CPEB3: variants seen among roughly 807,000 people sequenced by gnomAD.
CPEB3 encodes the protein cytoplasmic polyadenylation element-binding protein 3.
CPEB3 carries 20 observed loss-of-function variants against 67.2 expected under a neutral mutation model. That is an observed-to-expected ratio of 0.30 (90% confidence interval 0.21 to 0.43). CPEB3 has a LOEUF of 0.43. CPEB3 is among the 20% of genes least tolerant of loss of function. The probability of loss-of-function intolerance (pLI) is 1.00; values close to 1 mark genes in which losing one functional copy is unlikely to be tolerated. For missense variants in CPEB3, 746 were observed against 968.6 expected (o/e 0.77, Z 3.05); for synonymous variants, 376 against 393.1 (o/e 0.96, Z 0.51).
chr10:92,205,721 C>G (rs1297441097), intron 2 of CPEB3, among the ~76,000 whole-genome samples: 6 of 152,006 alleles, frequency 3.9e-5, no homozygotes, highest in Non-Finnish European at 7.4e-5. Flanking sequence ...AGTGATCTTC[C>G]CACCTCAGCC....
chr10:92,278,948 G>A (rs773540429), intron 1 of CPEB3, among the ~76,000 whole-genome samples: 3 of 151,214 alleles, frequency 2.0e-5, no homozygotes, highest in Admixed American at 1.3e-4. Context: ...TTTTATTCTT[G>A]GAATTTTCTA....
chr10:92,072,028 A>G (rs959402222), intron 9 of CPEB3, among the ~76,000 whole-genome samples: 6 of 152,192 alleles, frequency 3.9e-5, no homozygotes, highest in African/African-American at 1.4e-4. Flanking sequence ...TTTTTTATAG[A>G]AACACCATTC....
chr10:92,170,467 G>A (rs1847949205), intron 4 of CPEB3, among the ~76,000 whole-genome samples: 1 of 152,200 alleles, frequency 6.6e-6, no homozygotes, highest in African/African-American at 2.4e-5. Flanking sequence ...CCTTACTGGA[G>A]AGAGTGGGCA....
At chr10:92,105,591 C>T (rs1203059478) in intron 7 of CPEB3, among the ~76,000 whole-genome samples, 1 of 152,160 alleles carries the variant, frequency 6.6e-6, no homozygotes, top group African/African-American at 2.4e-5. Context: ...TATAGATGAA[C>T]TCTCCAAAGT....
intron 2 of CPEB3, among the ~76,000 whole-genome samples, chr10:92,194,770 G>C (rs1408263807): frequency 6.6e-6 from 1 of 151,970 alleles, no homozygotes; most frequent in Non-Finnish European, 1.5e-5. Context: ...AGCCAGGCAC[G>C]GTGGCTCACG....
intron 4 of CPEB3, among the ~76,000 whole-genome samples, chr10:92,152,556 A>G (rs974634302): frequency 6.6e-5 from 10 of 152,232 alleles, no homozygotes; most frequent in East Asian, 1.9e-4. Context: ...TCCCTTTAAA[A>G]TATTCCCAGG....
chr10:92,211,128 A>G (rs1472316648), intron 2 of CPEB3, among the ~76,000 whole-genome samples: 3 of 152,228 alleles, frequency 2.0e-5, no homozygotes, highest in Non-Finnish European at 4.4e-5. Context: ...AAGTGAGAAT[A>G]TATGTAAAAT....
chr10:92,162,565 A>C (rs12267769), intron 4 of CPEB3, among the ~76,000 whole-genome samples: 15,822 of 152,190 alleles, frequency 0.1, 1,485 homozygotes, highest in East Asian at 0.24. Context: ...AATTGAAAAA[A>C]ATGCTTATTT....
chr10:92,165,869 C>A (rs1206743650), intron 4 of CPEB3, among the ~76,000 whole-genome samples: 2 of 152,180 alleles, frequency 1.3e-5, no homozygotes. Flanking sequence ...GCTATTTACA[C>A]TGTATCTGCA....
chr10:92,195,047 AC>A (rs1849173488), intron 2 of CPEB3, among the ~76,000 whole-genome samples: 4 of 87,770 alleles, frequency 4.6e-5, no homozygotes, highest in African/African-American at 3.7e-4. Flanking sequence ...GTCTCAAAAA[AC>A]ACACACACAC....
chr10:92,115,853 C>A (rs1038809764), intron 6 of CPEB3, among the ~76,000 whole-genome samples: 2 of 152,160 alleles, frequency 1.3e-5, no homozygotes, highest in Admixed American at 1.3e-4. Flanking sequence ...AGTATGCGAT[C>A]ATCATTTAGT....
chr10:92,163,164 G>A (rs1847575907), intron 4 of CPEB3, among the ~76,000 whole-genome samples: 1 of 152,224 alleles, frequency 6.6e-6, no homozygotes, highest in Non-Finnish European at 1.5e-5. Flanking sequence ...GCAAGGCACA[G>A]TGGCTCACAC....
chr10:92,062,385 AC>A (rs759914053), intron 9 of CPEB3, among the ~76,000 whole-genome samples: 16 of 152,194 alleles, frequency 1.1e-4, no homozygotes, highest in Non-Finnish European at 1.9e-4. Flanking sequence ...AAACAAAAAA[AC>A]AAAAGAGAAG....
At chr10:92,270,295 G>C (rs568982756) in intron 1 of CPEB3, among the ~76,000 whole-genome samples, 3 of 152,130 alleles carry the variant, frequency 2.0e-5, no homozygotes, top group Non-Finnish European at 2.9e-5. Context: ...GGTCAGAAAG[G>C]GTTTTCTGGA....
In CPEB3 at chr10:92,240,210, C is replaced by G; in HGVS notation, c.141G>C (p.Pro47=). ...GGGCCGGCACTGCGCTGTTTTCCTC[C>G]GGCTTGGGGGTCTCTGAGGAGAGGG... The part of the protein sequence containing the change: ...STPLSSETPK[P]EENSAVPALS... Residue 47 remains proline, a synonymous_variant, in exon 2 of 10, where the codon CCG becomes CCC. Transcript: ENST00000265997. 1 of 1,512,214 alleles carries G rather than the reference C, an allele frequency of 6.6e-7. No individual in the cohort carries two copies. The highest frequency in any genetic ancestry group is 8.9e-7 in the Non-Finnish European group (1 of 1,127,390). 93.7% of individuals were successfully genotyped at this position (1,512,214 alleles called of 1,614,324 possible).
chr10:92,137,612 A>T, intron 6 of CPEB3: 2 of 665,560 alleles, frequency 3.0e-6, no homozygotes, highest in Non-Finnish European at 5.5e-6. Flanking sequence ...ATCAATGTGG[A>T]ACATGAGGAG....
At position 92,081,441 on chromosome 10, in the gene CPEB3, G is replaced by A. The variant is rs1312604403; in HGVS notation, c.1748C>T (p.Thr583Met). 2.5e-6 allele frequency: 4 copies of A among 1,613,816 alleles called. No homozygotes were observed. The highest frequency in any genetic ancestry group is 2.7e-5 in the African/African-American group (2 of 74,840). The change falls in exon 9 of 10, where the codon ACG becomes ATG. Residue 583 changes from threonine (T) to methionine (M), a missense_variant. This residue lies in a region of CPEB3 where 103 missense variants were observed against 251.1 expected (regional missense o/e 0.41). Coordinates refer to ENST00000265997, the MANE Select transcript of CPEB3 (RefSeq NM_014912.5). ...YGGVCYAGID[T>M]DPELKYPKGA... The stretch of plus-strand genomic sequence containing the variant: ...TTTGGGGTACTTCAGCTCTGGGTCC[G>A]TATCAATGCCAGCATAGCAGACACC...
chr10:92,123,316 G>A (rs1018122335), intron 6 of CPEB3, among the ~76,000 whole-genome samples: 26 of 152,280 alleles, frequency 1.7e-4, no homozygotes, highest in African/African-American at 6.0e-4. Flanking sequence ...AGACCAGACT[G>A]GGGGTGTGGG....
At chr10:92,220,660 C>G (rs1195569914) in intron 2 of CPEB3, among the ~76,000 whole-genome samples, 3 of 151,752 alleles carry the variant, frequency 2.0e-5, no homozygotes. Context: ...CATAGACCAT[C>G]ATGCTGAAAA....
Sources: allele counts gnomAD v4.1 joint callset (sites outside exome capture counted in the v4.1 genomes callset), GRCh38; gene constraint gnomAD v4.1.1; regional missense constraint gnomAD v4.1.1; transcripts MANE v1.5; gene names NCBI Gene and HGNC (gene_info 2026-07-23, HGNC 2026-07-21).